Variants in OGG1 observed in about 807,000 individuals in gnomAD.
The protein encoded by OGG1 is N-glycosylase/DNA lyase.
A neutral mutation model predicts 42.3 loss-of-function variants in OGG1; 35 were observed. The ratio of observed to expected loss-of-function variants is 0.83; its 90% CI spans 0.63 to 1.10. The LOEUF is 1.10. Among genes scored for constraint, OGG1 ranks in the 50% least tolerant of loss-of-function variants. The pLI is 0.00. For missense variants in OGG1, 484 were observed against 446.7 expected (o/e 1.08, Z -0.75); for synonymous variants, 189 against 179.0 (o/e 1.06, Z -0.44).
rs2077472380 is a variant in OGG1 at position 9,754,989 on chromosome 3, A to C, written c.747+104A>C. 5.8e-5 allele frequency: 53 copies of C among 918,352 alleles called. 1 individual carries two copies. The South Asian group carries it at 7.2e-4, about 12-fold the overall frequency. 56.9% of individuals were successfully genotyped at this position (918,352 alleles called of 1,614,324 possible). On this transcript the variant is annotated intron_variant, in intron 4 of 6. Transcript: ENST00000344629. ...GGGTGGAGGCTTGGCTTCCGGAGGC[A>C]GAGCAGGAAGGAGAAAGGATATAAG...
downstream of OGG1, chr3:9,789,731 T>C (rs2078693633): frequency 5.0e-6 from 8 of 1,613,320 alleles, no homozygotes; most frequent in South Asian, 1.1e-5. Flanking sequence ...GGCATCATTT[T>C]TGGGGATCCG....
chr3:9,763,125 G>A (rs1179388521), intron 7 of OGG1: 1 of 1,614,154 alleles, frequency 6.2e-7, no homozygotes, highest in African/African-American at 1.3e-5. Context: ...CAGGGCAGAG[G>A]TTGGGCCACT....
chr3:9,790,520 A>G (rs1039312726), downstream of OGG1, among the ~76,000 whole-genome samples: 6 of 152,188 alleles, frequency 3.9e-5, no homozygotes, highest in African/African-American at 1.4e-4. Context: ...TTGTCTCTTC[A>G]ACTAGACCAT....
At position 9,749,963 on chromosome 3, in the gene OGG1, G is replaced by A. The variant is rs2125524644; in HGVS notation, c.-324G>A. 8.3e-6 allele frequency: 3 copies of A among 360,474 alleles called. No individual in the cohort carries two copies. The highest frequency in any genetic ancestry group is 9.3e-5 in the South Asian group (2 of 21,564). 22.3% of individuals were successfully genotyped at this position (360,474 alleles called of 1,614,324 possible). On this transcript the variant is annotated 5_prime_UTR_variant, in exon 1 of 7. Coordinates refer to ENST00000344629, the MANE Select transcript of OGG1 (RefSeq NM_002542.6). ...TGAGCCCTACTTCCGGTGGTGCTGTGGTCTGCCCCTGGAGAACCCAGAAGA... is the reference window on the plus strand; with the variant it reads ...TGAGCCCTACTTCCGGTGGTGCTGTAGTCTGCCCCTGGAGAACCCAGAAGA...
chr3:9,751,274 GGGGATTATATCT>G (rs2077291948), intron 2 of OGG1, 82 bp downstream of exon 2: 1 of 1,420,874 alleles, frequency 7.0e-7, no homozygotes, highest in Non-Finnish European at 9.8e-7. Context: ...CCTGTAAAAT[GGGGATTATATCT>G]ACTTCATAGG....
chr3:9,751,655 C>T, intron 2 of OGG1, 115 bp from the exon 3 acceptor site: 3 of 963,962 alleles, frequency 3.1e-6, no homozygotes, highest in Non-Finnish European at 5.1e-6. Context: ...GGTGCTGACT[C>T]TCATTCTCCT....
chr3:9,760,066 C>A, downstream of OGG1: 1 of 238,500 alleles, frequency 4.2e-6, no homozygotes, highest in Non-Finnish European at 8.4e-6. Context: ...GATGGTGAAA[C>A]CTTGTTTCTA....
downstream of OGG1, chr3:9,762,214 TCTC>T (rs1009731134): frequency 9.8e-5 from 16 of 163,060 alleles, 1 homozygote; most frequent in Middle Eastern, 3.1e-3. Context: ...CAAGTGCCCT[TCTC>T]CTAGAACGGA....
At chr3:9,771,545 G>A (rs927908173), downstream of OGG1, among the ~76,000 whole-genome samples, 3 of 152,224 alleles carry the variant, frequency 2.0e-5, no homozygotes, top group African/African-American at 7.2e-5. Context: ...GCTAGACTCA[G>A]TGTAAACTGA....
At chr3:9,784,787 C>T (rs1301954219) in intron 3 of OGG1, among the ~76,000 whole-genome samples, 1 of 151,686 alleles carries the variant, frequency 6.6e-6, no homozygotes, top group Non-Finnish European at 1.5e-5. Context: ...TCGCTTGAAC[C>T]TGGGAGGCGG....
At chr3:9,758,064 TATAA>T, downstream of OGG1, 3 of 599,522 alleles carry the variant, frequency 5.0e-6, no homozygotes, top group Non-Finnish European at 8.1e-6. Flanking sequence ...TATCTATATA[TATAA>T]ATAGAAACAT....
chr3:9,764,815 A>G (rs2078074816), intron 7 of OGG1, among the ~76,000 whole-genome samples: 1 of 151,592 alleles, frequency 6.6e-6, no homozygotes, highest in African/African-American at 2.4e-5. Flanking sequence ...TATTTTTAGT[A>G]GAGACAGGGT....
At chr3:9,790,361 G>A (rs2078702072), downstream of OGG1, among the ~76,000 whole-genome samples, 2 of 152,180 alleles carry the variant, frequency 1.3e-5, no homozygotes, top group South Asian at 4.1e-4. Flanking sequence ...CTTCCTCAAG[G>A]AGGGTCCATG....
intron 4 of OGG1, among the ~76,000 whole-genome samples, chr3:9,755,823 G>T (rs987388359): frequency 1.0e-4 from 15 of 149,532 alleles, no homozygotes; most frequent in East Asian, 4.0e-4. Context: ...ATTTTTTTTT[G>T]ATGGGCTTTG....
intron 7 of OGG1, among the ~76,000 whole-genome samples, chr3:9,763,997 T>C (rs917826728): frequency 6.6e-6 from 1 of 151,956 alleles, no homozygotes; most frequent in East Asian, 1.9e-4. Context: ...AAAAAAAATA[T>C]ATATATATAG....
At chr3:9,788,175 T>C (rs2078659643) in exon 4 of OGG1, 1 of 154,906 alleles carries the variant, frequency 6.5e-6, no homozygotes, top group Non-Finnish European at 1.4e-5. Context: ...TCCCTCAACA[T>C]TTTTCTGTAT....
intron 3 of OGG1, chr3:9,787,169 CT>C: frequency 6.2e-7 from 1 of 1,614,172 alleles, no homozygotes; most frequent in Non-Finnish European, 8.5e-7. Context: ...AAGTCCTGAC[CT>C]GGGGTTGGCA....
chr3:9,784,243 A>C, intron 3 of OGG1: 4 of 1,587,990 alleles, frequency 2.5e-6, no homozygotes, highest in Non-Finnish European at 3.4e-6. Context: ...CGTCAGACTC[A>C]AGAGCCAGCT....
chr3:9,756,712 T>C (rs2077580605), intron 5 of OGG1, 55 bp from the exon 6 acceptor site: 1 of 1,613,830 alleles, frequency 6.2e-7, no homozygotes, highest in Admixed American at 1.7e-5. Context: ...ACCCTACTTC[T>C]GTTGATGGGT....
Sources: allele counts gnomAD v4.1 joint callset (sites outside exome capture counted in the v4.1 genomes callset), GRCh38; gene constraint gnomAD v4.1.1; transcripts MANE v1.5; gene names NCBI Gene and HGNC (gene_info 2026-07-23, HGNC 2026-07-21).